Variants in CASR observed in about 807,000 individuals in gnomAD.
The protein encoded by CASR is calcium sensing receptor.
CASR carries 23 observed loss-of-function variants against 69.1 expected under a neutral mutation model. The ratio of observed to expected loss-of-function variants is 0.33; its 90% confidence interval spans 0.24 to 0.47. The LOEUF (loss-of-function observed/expected upper bound fraction) is 0.47, where lower values mean the gene tolerates loss of function less well. CASR is among the 20% of genes least tolerant of loss of function. The pLI, the probability that CASR is intolerant of heterozygous loss-of-function variation, is 1.00. For synonymous variants in CASR, 541 were observed against 544.7 expected, an observed-to-expected ratio of 0.99 and a Z score of 0.10; for missense variants, 924 against 1,356.1, an observed-to-expected ratio of 0.68 and a Z score of 5.00.
At chr3:122,212,903 A>C (rs2074083195) in intron 1 of CASR, among the ~76,000 whole-genome samples, 1 of 152,122 alleles carries the variant, frequency 6.6e-6, no homozygotes, top group Admixed American at 6.5e-5. Flanking sequence ...CGGCCTCCCA[A>C]AGTGCTAGAA....
Position 122,285,371 on chromosome 3 carries a change from TA to T in CASR, c.*188del, listed in dbSNP as rs33974189. 6 of 575,972 alleles carry T rather than the reference TA, an allele frequency of 1.0e-5. No homozygotes were observed. The highest frequency in any genetic ancestry group is 1.8e-5 in the Non-Finnish European group (6 of 326,354). 35.7% of individuals were successfully genotyped at this position (575,972 alleles called of 1,614,324 possible). A position where few individuals can be genotyped will look rare whatever the true frequency, so the allele number is the denominator to read the frequency against. On this transcript the variant is annotated 3_prime_UTR_variant, in exon 7 of 7. Transcript: ENST00000639785. ...AATTGACCCATGTTCCCTTTAAAAT[TA>T]AAAAAAAGAAGAGCCTTGTGTTTCT...
At chr3:122,217,266 TTTTTTTGTAG>T (rs770911899) in intron 1 of CASR, among the ~76,000 whole-genome samples, 111 of 149,770 alleles carry the variant, frequency 7.4e-4, no homozygotes, top group African/African-American at 2.5e-3. Flanking sequence ...GCCCGGTTAA[TTTTTTTGTAG>T]TTTTTTGTAG....
chr3:122,235,991 C>T (rs774015039), intron 1 of CASR, among the ~76,000 whole-genome samples: 1 of 152,306 alleles, frequency 6.6e-6, no homozygotes, highest in East Asian at 1.9e-4. Context: ...GGATGGGATT[C>T]GTGTTTCTAA....
chr3:122,243,455 A>G (rs2074397578), intron 1 of CASR, among the ~76,000 whole-genome samples: 1 of 152,174 alleles, frequency 6.6e-6, no homozygotes, highest in African/African-American at 2.4e-5. Context: ...AAGTAATGCA[A>G]ATCAAAACTA....
intron 1 of CASR, among the ~76,000 whole-genome samples, chr3:122,243,057 A>G (rs2107615866): frequency 6.6e-6 from 1 of 152,338 alleles, no homozygotes; most frequent in African/African-American, 2.4e-5. Flanking sequence ...ATAAGACCTC[A>G]AACTATGAAA....
chr3:122,234,289 T>G (rs2074307634), intron 1 of CASR, among the ~76,000 whole-genome samples: 2 of 152,228 alleles, frequency 1.3e-5, no homozygotes, highest in African/African-American at 2.4e-5. Flanking sequence ...ATAGATATAA[T>G]GCAAGTGATT....
At chr3:122,217,277 T>A (rs115238032) in intron 1 of CASR, among the ~76,000 whole-genome samples, 3,613 of 151,936 alleles carry the variant, frequency 0.024, 60 homozygotes, top group Non-Finnish European at 0.034. Flanking sequence ...TTTTTTGTAG[T>A]TTTTTGTAGA....
intron 1 of CASR, among the ~76,000 whole-genome samples, 167 bp from the exon 2 acceptor site, chr3:122,253,781 T>C (rs1223762886): frequency 1.3e-5 from 2 of 152,234 alleles, no homozygotes; most frequent in Non-Finnish European, 2.9e-5. Context: ...TGACGTTTCC[T>C]GTATTTTACA....
intron 1 of CASR, among the ~76,000 whole-genome samples, chr3:122,193,278 G>A (rs1373149511): frequency 2.0e-5 from 3 of 151,498 alleles, no homozygotes; most frequent in Non-Finnish European, 4.4e-5. Context: ...GTGCAGTGGG[G>A]CGATCTCAGC....
At chr3:122,268,186 G>T (rs146218328) in intron 4 of CASR, among the ~76,000 whole-genome samples, 209 of 152,286 alleles carry the variant, frequency 1.4e-3, no homozygotes, top group African/African-American at 4.6e-3. Context: ...CATGAAACTT[G>T]TTAAGTTTAT....
intron 1 of CASR, among the ~76,000 whole-genome samples, chr3:122,198,635 T>C (rs1211146516): frequency 6.7e-6 from 1 of 149,716 alleles, no homozygotes; most frequent in African/African-American, 2.5e-5. Context: ...TTCGTGTATT[T>C]TACAGTTAGG....
chr3:122,238,242 A>G (rs886487312), intron 1 of CASR, among the ~76,000 whole-genome samples: 39 of 152,298 alleles, frequency 2.6e-4, no homozygotes, highest in African/African-American at 9.4e-4. Flanking sequence ...AAATCTGTGC[A>G]TTTTGGGGAA....
At chr3:122,222,383 C>T (rs1272360654) in intron 1 of CASR, among the ~76,000 whole-genome samples, 1 of 152,058 alleles carries the variant, frequency 6.6e-6, no homozygotes, top group East Asian at 1.9e-4. Flanking sequence ...GAGCACACTA[C>T]TGCATCATTT....
intron 1 of CASR, among the ~76,000 whole-genome samples, chr3:122,252,710 G>C (rs1176211469): frequency 1.3e-5 from 2 of 152,006 alleles, no homozygotes; most frequent in Non-Finnish European, 2.9e-5. Context: ...GGAAAAGATG[G>C]CTCCTTATTT....
rs114301858 is a variant in CASR, at chr3:122,203,607, G to T, written c.-243+19795G>T. Reference sequence around the variant, plus strand: ...ATGTGTATAATAAGGTACTTACCATGAATGGGACTTGCAGGACTGGAAATT... The same window carrying T: ...ATGTGTATAATAAGGTACTTACCATTAATGGGACTTGCAGGACTGGAAATT... On this transcript the variant is annotated intron_variant, in intron 1 of 6. Transcript: ENST00000639785. Among the ~76,000 whole-genome samples the T allele has an allele frequency of 2.5e-3, 383 of 152,352 alleles. 3 individuals are homozygous for T. Among genetic ancestry groups the T allele is most frequent in the African/African-American group, 8.9e-3 (372 of 41,590 alleles).
At chr3:122,201,168 C>T (rs919409423) in intron 1 of CASR, among the ~76,000 whole-genome samples, 5 of 152,030 alleles carry the variant, frequency 3.3e-5, no homozygotes, top group Admixed American at 6.5e-5. Flanking sequence ...TGTTTGTGTC[C>T]CTGGGTACTT....
At chr3:122,255,944 A>G (rs2074550529) in intron 2 of CASR, among the ~76,000 whole-genome samples, 1 of 152,218 alleles carries the variant, frequency 6.6e-6, no homozygotes. Flanking sequence ...AGACACAAAT[A>G]CACTGATTCA....
At chr3:122,252,414 A>AAAGAAAGAAAGAAAGAAAGAAAGG (rs2074501659) in intron 1 of CASR, among the ~76,000 whole-genome samples, 1 of 43,426 alleles carries the variant, frequency 2.3e-5, no homozygotes, top group Non-Finnish European at 5.0e-5. Context: ...AAGGAAAAAG[A>AAAGAAAGAAAGAAAGAAAGAAAGG]AAGAAAGAAA....
At chr3:122,199,444 T>C (rs1339299739) in intron 1 of CASR, among the ~76,000 whole-genome samples, 1 of 152,258 alleles carries the variant, frequency 6.6e-6, no homozygotes, top group East Asian at 1.9e-4. Context: ...TGCAGTGGTG[T>C]TTATTTAATG....
Sources: gnomAD v4.1 joint callset for allele counts (sites outside exome capture counted in the v4.1 genomes callset) on GRCh38, gnomAD v4.1.1 for gene constraint, MANE v1.5 for transcripts, NCBI Gene and HGNC (gene_info 2026-07-23, HGNC 2026-07-21) for gene names.